Variants in NBPF15 observed in about 807,000 individuals in gnomAD.
NBPF15 encodes NBPF family member NBPF15.
A neutral mutation model predicts 62.2 loss-of-function variants in NBPF15; 74 were observed. The ratio of observed to expected loss-of-function variants is 1.19; its 90% CI spans 0.99 to 1.44. The LOEUF (loss-of-function observed/expected upper bound fraction) is 1.44. NBPF15 is among the 40% of genes most tolerant of loss of function. The pLI is 0.00. For synonymous variants in NBPF15, 244 were observed against 209.7 expected, an observed-to-expected ratio of 1.16 and a Z score of -1.41; for missense variants, 790 against 550.0, an observed-to-expected ratio of 1.44 and a Z score of -4.36.
intron 9 of NBPF15, 147 bp from the exon 10 acceptor site, chr1:144,437,256 G>C (rs1679206365): frequency 1.2e-6 from 1 of 837,466 alleles, no homozygotes; most frequent in Non-Finnish European, 2.0e-6. Context: ...CTGTGGCCAA[G>C]AGAAAGAATA....
chr1:144,442,715 C>T lies in NBPF15; in HGVS notation c.-190-2420G>A, dbSNP rs1477091372. 8 of 180,090 alleles carry T rather than the reference C, an allele frequency of 4.4e-5. 1 individual carries two copies. Among genetic ancestry groups the T allele is most frequent in the Admixed American group, 2.2e-4 (4 of 18,302 alleles). The allele number at this position is 180,090 out of a possible 1,614,324, so 11.2% of individuals were successfully genotyped here. A position where few individuals can be genotyped will look rare whatever the true frequency, so the allele number is the denominator to read the frequency against. ...CCAGGGAAAACCTTCCTCAACATCA[C>T]GCCAGCTGAGGTTGGTGTCCTGGTT... On this transcript the variant is annotated intron_variant, in intron 6 of 21. Coordinates refer to ENST00000581897, the MANE Select transcript of NBPF15 (RefSeq NM_001385408.1).
At chr1:144,423,997 A>G in intron 20 of NBPF15, 22 bp from the exon 21 acceptor site, 2 of 763,892 alleles carry the variant, frequency 2.6e-6, no homozygotes, top group South Asian at 2.7e-5. Flanking sequence ...TCAGACATGG[A>G]CAGACACATT....
At chr1:144,452,153 C>CA (rs1203476425) in intron 4 of NBPF15, among the ~76,000 whole-genome samples, 110 of 147,896 alleles carry the variant, frequency 7.4e-4, no homozygotes, top group African/African-American at 1.8e-3. Context: ...ACTCCATCTC[C>CA]AAAAAAAAAG....
chr1:144,445,848 C>G (rs868975204), intron 6 of NBPF15, among the ~76,000 whole-genome samples: 1 of 129,612 alleles, frequency 7.7e-6, no homozygotes, highest in Non-Finnish European at 1.7e-5. Flanking sequence ...ATTTTGTTGA[C>G]TTTCCTTTTT....
chr1:144,424,547 G>A (rs1668217819), intron 20 of NBPF15, 143 bp downstream of exon 20: 1 of 630,846 alleles, frequency 1.6e-6, no homozygotes, highest in Non-Finnish European at 2.8e-6. Flanking sequence ...TAGAACTAGA[G>A]TTTCATTCAA....
At chr1:144,423,447 G>C (rs1553538662) in intron 21 of NBPF15, among the ~76,000 whole-genome samples, 191 bp from the exon 22 acceptor site, 1 of 151,752 alleles carries the variant, frequency 6.6e-6, no homozygotes, top group African/African-American at 2.4e-5. Flanking sequence ...CAATGAAAGA[G>C]AAAGACAGAG....
intron 1 of NBPF15, 129 bp from the exon 2 acceptor site, chr1:144,461,090 C>A (rs1386994949): frequency 6.0e-5 from 9 of 151,158 alleles, no homozygotes; most frequent in African/African-American, 9.8e-5. Context: ...GGGTGGGGTG[C>A]GGGGTCAGGG....
intron 6 of NBPF15, among the ~76,000 whole-genome samples, chr1:144,444,194 G>A (rs1175443388): frequency 1.3e-5 from 2 of 150,410 alleles, no homozygotes; most frequent in Non-Finnish European, 3.0e-5. Context: ...TACGTGGCAG[G>A]CCAGGTCTCA....
In NBPF15 at chr1:144,423,027, T is replaced by A; in HGVS notation, c.1999A>T (p.Ile667Leu). ...GTAAGAGCTGCTTATTGTGGGAATATGACTCCCATCTGGAACACCAGGTGG... is the reference window on the plus strand; with the variant it reads ...GTAAGAGCTGCTTATTGTGGGAATAAGACTCCCATCTGGAACACCAGGTGG... ...SLHLVFQMGV[I>L]FPQ The change falls in exon 22 of 22, where the codon ATA (isoleucine) becomes TTA (leucine). Residue 667 changes from isoleucine (I) to leucine (L), a missense_variant. Physicochemically the swap from Ile to Leu is conservative, Grantham distance 5. Coordinates refer to ENST00000581897, the MANE Select transcript of NBPF15 (RefSeq NM_001385408.1). 6.2e-7 allele frequency: 1 copy of A among 1,611,688 alleles called. No homozygotes were observed. Among genetic ancestry groups the A allele is most frequent in the Non-Finnish European group, 8.5e-7 (1 of 1,179,636 alleles).
At position 144,435,328 on chromosome 1, in the gene NBPF15, G is replaced by A. The variant is rs1677391534; in HGVS notation, c.567-12C>T. ...CCTTCTGCATCTCCCTGATGAGCCA[G>A]GTGGGACAGAGATGACAGAAGATTA... is the stretch of plus-strand genomic sequence containing the variant. On this transcript the variant is annotated splice_polypyrimidine_tract_variant and intron_variant, in intron 11 of 21. Coordinates refer to ENST00000581897, the MANE Select transcript of NBPF15 (RefSeq NM_001385408.1). 1 of 1,539,046 alleles carries A rather than the reference G, an allele frequency of 6.5e-7. No individual in the cohort carries two copies. Among genetic ancestry groups the A allele is most frequent in the Non-Finnish European group, 9.0e-7 (1 of 1,114,568 alleles).
At position 144,426,458 on chromosome 1, in the gene NBPF15, A is replaced by G. The variant is rs1421814910; in HGVS notation, c.1266-8T>C. The G allele has an allele frequency of 2.5e-6, 2 of 803,432 alleles. No homozygotes were observed. The highest frequency in any genetic ancestry group is 2.4e-5 in the East Asian group (1 of 41,256). 49.8% of individuals were successfully genotyped at this position (803,432 alleles called of 1,614,324 possible). On this transcript the variant is annotated splice_polypyrimidine_tract_variant and splice_region_variant and intron_variant, in intron 17 of 21. Transcript: ENST00000581897. Reference sequence around the variant, plus strand: ...AGCAGCTCCCTGCTGAGCCTGGAAAAGTAGGAAAAAGTAAAGAATAAGCCA... The same window carrying G: ...AGCAGCTCCCTGCTGAGCCTGGAAAGGTAGGAAAAAGTAAAGAATAAGCCA...
chr1:144,436,630 C>G (rs1678616779), intron 10 of NBPF15, among the ~76,000 whole-genome samples: 1 of 152,016 alleles, frequency 6.6e-6, no homozygotes, highest in African/African-American at 2.4e-5. Flanking sequence ...CAGCCTCCTT[C>G]CTGTCCTTTA....
intron 6 of NBPF15, among the ~76,000 whole-genome samples, chr1:144,444,713 T>A (rs1553543550): frequency 6.6e-6 from 1 of 151,884 alleles, no homozygotes; most frequent in Non-Finnish European, 1.5e-5. Context: ...AATTTTGAGT[T>A]GGTCTGGTGA....
intron 9 of NBPF15, 80 bp downstream of exon 9, chr1:144,437,865 C>G (rs1176551795): frequency 1.2e-6 from 2 of 1,609,734 alleles, no homozygotes; most frequent in African/African-American, 1.3e-5. Flanking sequence ...CAGCTTAGCT[C>G]TTACATCTCC....
rs1653179153 is a variant in NBPF15 at position 144,461,618 on chromosome 1, A to G, written c.-1175T>C. Reference sequence around the variant, plus strand: ...CTGTCTCAACCGCCGCCCAGCCCATAGCCTGCGCCAGCTGGCTCCTCAGGG... The same window carrying G: ...CTGTCTCAACCGCCGCCCAGCCCATGGCCTGCGCCAGCTGGCTCCTCAGGG... On this transcript the variant is annotated 5_prime_UTR_variant, in exon 1 of 22. Coordinates refer to ENST00000581897, the MANE Select transcript of NBPF15 (RefSeq NM_001385408.1). 6.6e-6 allele frequency: 1 copy of G among 152,458 alleles called. No individual in the cohort carries two copies. The highest frequency in any genetic ancestry group is 6.5e-5 in the Admixed American group (1 of 15,274). The allele number at this position is 152,458 out of a possible 1,614,324, so 9.4% of individuals were successfully genotyped here.
intron 3 of NBPF15, among the ~76,000 whole-genome samples, chr1:144,458,089 GAAA>G (rs1222561766): frequency 7.6e-6 from 1 of 131,800 alleles, no homozygotes; most frequent in African/African-American, 2.8e-5. Context: ...ACTGTCTCAA[GAAA>G]AAAAAAAAAA....
At chr1:144,436,680 T>C (rs1406986726) in intron 10 of NBPF15, among the ~76,000 whole-genome samples, 1 of 151,974 alleles carries the variant, frequency 6.6e-6, no homozygotes, top group African/African-American at 2.4e-5. Context: ...AAGACCACCT[T>C]CCATCAAGGG....
intron 8 of NBPF15, among the ~76,000 whole-genome samples, chr1:144,439,568 G>T (rs1459913110): frequency 6.6e-6 from 1 of 152,098 alleles, no homozygotes; most frequent in Non-Finnish European, 1.5e-5. Flanking sequence ...GAGAAAACAG[G>T]TCATTCTGTG....
rs1553538239 is a variant in NBPF15 at position 144,421,484 on chromosome 1, G to A, written c.*1529C>T. The A allele has an allele frequency of 1.3e-5, 2 of 151,224 alleles. No homozygotes were observed. Among genetic ancestry groups the A allele is most frequent in the South Asian group, 2.1e-4 (1 of 4,770 alleles). The allele number at this position is 151,224 out of a possible 1,614,324, so 9.4% of individuals were successfully genotyped here. ...AACACTGAATGTAAAAAACAATCCAGAAGTCCAGAGTGATAGGCAAAAGGT... is the reference window on the plus strand; with the variant it reads ...AACACTGAATGTAAAAAACAATCCAAAAGTCCAGAGTGATAGGCAAAAGGT... On this transcript the variant is annotated 3_prime_UTR_variant, in exon 22 of 22. Transcript: ENST00000581897.
Sources: allele counts gnomAD v4.1 joint callset (sites outside exome capture counted in the v4.1 genomes callset), GRCh38; gene constraint gnomAD v4.1.1; transcripts MANE v1.5; gene names NCBI Gene and HGNC (gene_info 2026-07-23, HGNC 2026-07-21).